Variants in PSMA1 observed in about 807,000 individuals in gnomAD.
The protein encoded by PSMA1 is proteasome 20S subunit alpha 1, also known as proteasome subunit alpha type-1.
A neutral mutation model predicts 38.4 loss-of-function variants in PSMA1; 3 were observed. The observed-to-expected ratio is 0.08, with a 90% CI of 0.04 to 0.20. PSMA1 has a LOEUF of 0.20. Ranked by LOEUF, PSMA1 falls within the 10% of genes least tolerant of loss-of-function variation. The pLI, the probability that PSMA1 is intolerant of heterozygous loss-of-function variation, is 1.00. For synonymous variants in PSMA1, 101 were observed against 107.1 expected (o/e 0.94, Z 0.35); for missense variants, 227 against 325.3 (o/e 0.70, Z 2.32).
intron 2 of PSMA1, among the ~76,000 whole-genome samples, chr11:14,532,932 A>G (rs1285032346): frequency 6.6e-6 from 1 of 152,220 alleles, no homozygotes; most frequent in Non-Finnish European, 1.5e-5. Context: ...TAGCTGCTAA[A>G]AAAAGACAAT....
intron 2 of PSMA1, among the ~76,000 whole-genome samples, chr11:14,563,880 G>T (rs1051766908): frequency 1.1e-4 from 17 of 151,906 alleles, no homozygotes; most frequent in African/African-American, 4.1e-4. Flanking sequence ...TGAAATTTAG[G>T]TGCAATTTTA....
At chr11:14,585,236 C>T (rs146718685) in intron 2 of PSMA1, among the ~76,000 whole-genome samples, 2 of 152,160 alleles carry the variant, frequency 1.3e-5, no homozygotes, top group African/African-American at 4.8e-5. Context: ...CCAAGGCTGC[C>T]AAAGGTATAA....
intron 2 of PSMA1, among the ~76,000 whole-genome samples, chr11:14,545,988 T>C (rs1851821622): frequency 6.6e-6 from 1 of 152,196 alleles, no homozygotes; most frequent in Admixed American, 6.5e-5. Context: ...TCCAAGTTCA[T>C]GCACACCCTG....
At chr11:14,572,410 G>A (rs1393137422) in intron 2 of PSMA1, among the ~76,000 whole-genome samples, 1 of 152,144 alleles carries the variant, frequency 6.6e-6, no homozygotes, top group Admixed American at 6.6e-5. Flanking sequence ...GCTCCTGAAC[G>A]ACTACTGAGT....
chr11:14,608,843 T>G (rs1852675403), intron 2 of PSMA1, among the ~76,000 whole-genome samples: 1 of 151,712 alleles, frequency 6.6e-6, no homozygotes, highest in Non-Finnish European at 1.5e-5. Flanking sequence ...AAATATTAGA[T>G]TCCCTTGCAA....
At chr11:14,518,653 C>T (rs1043529595) in intron 2 of PSMA1, among the ~76,000 whole-genome samples, 2 of 152,152 alleles carry the variant, frequency 1.3e-5, no homozygotes, top group African/African-American at 2.4e-5. Context: ...GCTCAACCTA[C>T]ATATTTGCTA....
At chr11:14,575,492 G>A (rs1051401600) in intron 2 of PSMA1, among the ~76,000 whole-genome samples, 11 of 151,252 alleles carry the variant, frequency 7.3e-5, no homozygotes, top group African/African-American at 1.7e-4. Flanking sequence ...TCCCACCTAC[G>A]AGTTAGAACA....
At chr11:14,551,743 T>G (rs1199254072) in intron 2 of PSMA1, among the ~76,000 whole-genome samples, 1 of 152,218 alleles carries the variant, frequency 6.6e-6, no homozygotes, top group Non-Finnish European at 1.5e-5. Flanking sequence ...CTCTGCTTCA[T>G]GTTCACCAAG....
At chr11:14,558,622 G>A (rs933766491) in intron 2 of PSMA1, among the ~76,000 whole-genome samples, 5 of 152,196 alleles carry the variant, frequency 3.3e-5, no homozygotes, top group Admixed American at 6.5e-5. Context: ...GGAGGTTGGG[G>A]AAAAGTTGAG....
At chr11:14,633,790 ACT>A (rs1565064203) in intron 1 of PSMA1, among the ~76,000 whole-genome samples, 1 of 150,628 alleles carries the variant, frequency 6.6e-6, no homozygotes, top group African/African-American at 2.4e-5. Flanking sequence ...AATCAGTGAG[ACT>A]CTGTGGGCAT....
upstream of PSMA1, chr11:14,520,468 C>T (rs1851510543): frequency 5.3e-6 from 8 of 1,511,412 alleles, no homozygotes; most frequent in South Asian, 7.5e-5. Flanking sequence ...ACACTTCCCC[C>T]TCCTTAAAAC....
At chr11:14,513,057 ACCCGATACCCTCCTTCCAATGCAAAG>A (rs1280706196) in intron 7 of PSMA1, among the ~76,000 whole-genome samples, 2 of 152,204 alleles carry the variant, frequency 1.3e-5, no homozygotes. Flanking sequence ...GAAATGTAAA[ACCCGATACCCTCCTTCCAATGCAAAG>A]CAAAGCACTT....
intron 1 of PSMA1, among the ~76,000 whole-genome samples, chr11:14,637,561 T>G (rs1441764619): frequency 6.6e-6 from 1 of 152,222 alleles, no homozygotes; most frequent in Non-Finnish European, 1.5e-5. Flanking sequence ...CTATGTTTAA[T>G]GCTAATATGA....
intron 1 of PSMA1, among the ~76,000 whole-genome samples, chr11:14,621,222 T>G (rs572800854): frequency 6.6e-6 from 1 of 152,184 alleles, no homozygotes; most frequent in African/African-American, 2.4e-5. Context: ...GCTTTATTAG[T>G]AAAAAGCATT....
chr11:14,606,233 C>T (rs918696760), intron 2 of PSMA1, among the ~76,000 whole-genome samples: 1 of 152,052 alleles, frequency 6.6e-6, no homozygotes, highest in Non-Finnish European at 1.5e-5. Flanking sequence ...TTCCATTGGT[C>T]TATGTGTTTC....
intron 2 of PSMA1, among the ~76,000 whole-genome samples, chr11:14,576,561 G>C (rs1448467512): frequency 6.6e-6 from 1 of 152,072 alleles, no homozygotes; most frequent in Non-Finnish European, 1.5e-5. Flanking sequence ...TCTTGTTTTT[G>C]TCAGGTTTGT....
intron 2 of PSMA1, among the ~76,000 whole-genome samples, chr11:14,552,820 C>CTTT (rs34932699): frequency 9.0e-5 from 11 of 122,018 alleles, no homozygotes; most frequent in South Asian, 5.2e-4. Context: ...GCTTATATAA[C>CTTT]TTTTTTTTTT....
chr11:14,532,117 GA>G (rs11341828), intron 2 of PSMA1, among the ~76,000 whole-genome samples: 93,600 of 148,746 alleles, frequency 0.63, 29,451 homozygotes, highest in East Asian at 0.69. Context: ...TTTTTTCTGT[GA>G]AAAAAAAAAA....
chr11:14,563,290 T>C (rs1463148149), intron 2 of PSMA1, among the ~76,000 whole-genome samples: 1 of 152,246 alleles, frequency 6.6e-6, no homozygotes, highest in Non-Finnish European at 1.5e-5. Flanking sequence ...GCCTGTTTAC[T>C]TTCACGTGTT....
Sources: gnomAD v4.1 joint callset for allele counts (sites outside exome capture counted in the v4.1 genomes callset) on GRCh38, gnomAD v4.1.1 for gene constraint, MANE v1.5 for transcripts, NCBI Gene and HGNC (gene_info 2026-07-23, HGNC 2026-07-21) for gene names.